AMPD3: variants seen among roughly 807,000 people sequenced by gnomAD.
AMPD3 encodes the protein AMP deaminase 3.
A neutral mutation model predicts 82.3 loss-of-function variants in AMPD3; 57 were observed. The observed-to-expected ratio is 0.69, with a 90% CI of 0.56 to 0.86. The LOEUF (loss-of-function observed/expected upper bound fraction) is 0.86. AMPD3 is among the 40% of genes least tolerant of loss of function. The pLI is 0.00. For synonymous variants in AMPD3, 381 were observed against 394.7 expected (o/e 0.97, Z 0.41); for missense variants, 870 against 1,003.8 (o/e 0.87, Z 1.80).
intron 2 of AMPD3, 127 bp from the exon 3 acceptor site, chr11:10,478,399 A>G (rs1848802048): frequency 6.3e-7 from 1 of 1,578,988 alleles, no homozygotes; most frequent in Non-Finnish European, 8.6e-7. Flanking sequence ...AAACTTCTTA[A>G]TGGTAGGGCC....
upstream of AMPD3, among the ~76,000 whole-genome samples, chr11:10,453,161 G>C (rs145885215): frequency 0.054 from 8,256 of 152,246 alleles, 292 homozygotes; most frequent in Non-Finnish European, 0.086. Flanking sequence ...TGTTGGCCAG[G>C]CTGGTCTCAA....
chr11:10,486,460 C>T (rs1849073300), intron 5 of AMPD3: 1 of 705,588 alleles, frequency 1.4e-6, no homozygotes, highest in African/African-American at 1.9e-5. Flanking sequence ...GGCAGTTGGC[C>T]ACAGCAGTGA....
Position 10,455,452 on chromosome 11 carries a change from A to T in AMPD3, c.-6+4A>T. On this transcript the variant is annotated splice_donor_region_variant and intron_variant, in intron 1 of 14. Transcript: ENST00000396553. The stretch of plus-strand genomic sequence containing the variant: ...CACGTGGGAGCAGTGAGCGGCTGTA[A>T]GCAGGGGAGGGTTTGGGGTGGGCTC... 3.2e-6 allele frequency: 3 copies of T among 948,762 alleles called. No individual in the cohort carries two copies. The highest frequency in any genetic ancestry group is 3.8e-6 in the Non-Finnish European group (3 of 797,806). The allele number at this position is 948,762 out of a possible 1,614,324, so 58.8% of individuals were successfully genotyped here.
chr11:10,484,295 C>CA, intron 4 of AMPD3: 1 of 985,372 alleles, frequency 1.0e-6, no homozygotes, highest in Non-Finnish European at 1.2e-6. Flanking sequence ...CTGGGGGAGA[C>CA]AAGTTCCCTA....
chr11:10,504,599 C>G lies in AMPD3; in HGVS notation c.2067C>G (p.Ser689Arg). The change falls in exon 14 of 15, where the codon AGC becomes AGG. Residue 689 changes from serine to arginine, a missense_variant. Ser to Arg is a moderately radical substitution (Grantham distance 110, BLOSUM62 -1). Transcript: ENST00000396553. The stretch of plus-strand genomic sequence containing the variant: ...TTGCAGCTCAAGTGTGGAAGCTGAG[C>G]ACCTGCGACCTGTGTGAGATCGCCA... ...YAIAAQVWKLSTCDLCEIARN... is the reference protein window; with the variant it reads ...YAIAAQVWKLRTCDLCEIARN... 6.2e-7 allele frequency: 1 copy of G among 1,614,170 alleles called. No homozygotes were observed. The highest frequency in any genetic ancestry group is 8.5e-7 in the Non-Finnish European group (1 of 1,180,026).
In AMPD3 at chr11:10,472,291, TG is replaced by T. The variant is rs1463784602; in HGVS notation, c.222-6229del. Among the ~76,000 whole-genome samples, 4 of 144,928 alleles carry T rather than the reference TG, an allele frequency of 2.8e-5. No homozygotes were observed. The South Asian group carries it at 8.7e-4, about 31-fold the overall frequency. On this transcript the variant is annotated intron_variant, in intron 2 of 14. Coordinates refer to ENST00000396553, the MANE Select transcript of AMPD3 (RefSeq NM_001025389.2). ...GAGAACATCACACACTGGGGCCTGT[TG>T]GGGGGTGAGGGGCTAGGGGAGGGAT...
intron 4 of AMPD3, 40 bp from the exon 5 acceptor site, chr11:10,484,780 G>T: frequency 1.2e-6 from 2 of 1,607,698 alleles, no homozygotes; most frequent in Non-Finnish European, 1.7e-6. Flanking sequence ...GTGCTCACAA[G>T]GTCAGGGGCA....
At chr11:10,480,645 T>C (rs1445230273) in intron 3 of AMPD3, among the ~76,000 whole-genome samples, 1 of 150,410 alleles carries the variant, frequency 6.6e-6, no homozygotes, top group Non-Finnish European at 1.5e-5. Context: ...TAGCTGTATC[T>C]GTGATGATTT....
rs139287574 is a variant in AMPD3 at position 10,501,975 on chromosome 11, A to G, written c.1842+385A>G. The G allele has an allele frequency of 1.1e-3, 1,035 of 985,390 alleles. 13 individuals are homozygous for G. The African/African-American group carries it at 0.017, about 16-fold the overall frequency. 61.0% of individuals were successfully genotyped at this position (985,390 alleles called of 1,614,324 possible). A position where few individuals can be genotyped will look rare whatever the true frequency, so the allele number is the denominator to read the frequency against. ...AAGCATTTTTTGATGCTGCAACGTAATATCTATGCTCCTTTTTCCAAAGGC... is the reference window on the plus strand; with the variant it reads ...AAGCATTTTTTGATGCTGCAACGTAGTATCTATGCTCCTTTTTCCAAAGGC... On this transcript the variant is annotated intron_variant, in intron 12 of 14. Transcript: ENST00000396553.
intron 2 of AMPD3, among the ~76,000 whole-genome samples, chr11:10,469,343 T>C (rs117789856): frequency 0.15 from 22,599 of 152,074 alleles, 2,004 homozygotes; most frequent in Non-Finnish European, 0.2. Flanking sequence ...AAATACAGAC[T>C]ACCATCGGAG....
At chr11:10,504,931 A>G (rs755680534) in intron 14 of AMPD3, 3 of 197,866 alleles carry the variant, frequency 1.5e-5, no homozygotes, top group Non-Finnish European at 2.7e-5. Context: ...CCCCTTAATC[A>G]GTTTTTCTCC....
intron 2 of AMPD3, chr11:10,478,175 C>G (rs1848794673): frequency 4.8e-5 from 47 of 985,254 alleles, no homozygotes; most frequent in Non-Finnish European, 5.7e-5. Flanking sequence ...GCATGATTTG[C>G]TATTGTCCTC....
intron 3 of AMPD3, among the ~76,000 whole-genome samples, chr11:10,481,217 T>C (rs537390081): frequency 3.3e-5 from 5 of 152,142 alleles, no homozygotes; most frequent in African/African-American, 1.2e-4. Context: ...CCTGGATGAG[T>C]TGGGTGATTA....
At chr11:10,451,019 G>T, upstream of AMPD3, 1 of 1,581,752 alleles carries the variant, frequency 6.3e-7, no homozygotes. Flanking sequence ...TTCGGCCGGC[G>T]GCATGGCCCT....
chr11:10,461,074 C>T, intron 1 of AMPD3: 2 of 1,170,806 alleles, frequency 1.7e-6, no homozygotes, highest in Non-Finnish European at 2.1e-6. Context: ...GCGACCTTAG[C>T]TGTTAAAGCC....
chr11:10,478,759 G>T (rs1212181406), intron 3 of AMPD3, 29 bp downstream of exon 3: 13 of 1,604,736 alleles, frequency 8.1e-6, no homozygotes, highest in African/African-American at 1.3e-5. Context: ...TGTTGAATGT[G>T]CCTTGCATGC....
chr11:10,481,669 A>G (rs1848910567), intron 3 of AMPD3: 2 of 237,834 alleles, frequency 8.4e-6, no homozygotes, highest in Non-Finnish European at 1.4e-5. Flanking sequence ...ACGAGGTGCA[A>G]GCTTCCAAGG....
chr11:10,499,603 C>T, intron 10 of AMPD3: 1 of 966,378 alleles, frequency 1.0e-6, no homozygotes. Flanking sequence ...CCCCTCCCTC[C>T]TGGGTTGCTC....
upstream of AMPD3, among the ~76,000 whole-genome samples, chr11:10,453,295 G>A (rs911149066): frequency 2.0e-5 from 3 of 152,192 alleles, no homozygotes; most frequent in Admixed American, 1.3e-4. Flanking sequence ...TCCTGAGATT[G>A]CCATAGGTGG....
Sources: gnomAD v4.1 joint callset for allele counts (sites outside exome capture counted in the v4.1 genomes callset) on GRCh38, gnomAD v4.1.1 for gene constraint, MANE v1.5 for transcripts, NCBI Gene and HGNC (gene_info 2026-07-23, HGNC 2026-07-21) for gene names.